MYMK: variants seen among roughly 807,000 people sequenced by gnomAD.
MYMK encodes protein myomaker.
Under a neutral mutation model 22.4 loss-of-function variants are expected in MYMK, and 16 were observed. The ratio of observed to expected loss-of-function variants is 0.72; its 90% confidence interval spans 0.48 to 1.09. The LOEUF is 1.09. Ranked by LOEUF, MYMK falls within the 50% of genes least tolerant of loss-of-function variation. The pLI is 0.00. For missense variants in MYMK, 250 were observed against 295.6 expected, an observed-to-expected ratio of 0.85 and a Z score of 1.13; for synonymous variants, 125 against 127.0, an observed-to-expected ratio of 0.98 and a Z score of 0.11.
chr9:133,524,606 C>T (rs1023230929), intron 1 of MYMK, 104 bp downstream of exon 1: 1 of 1,555,146 alleles, frequency 6.4e-7, no homozygotes, highest in Non-Finnish European at 8.8e-7. Context: ...ATTTTCAAAT[C>T]ACTTCTGCTC....
chr9:133,524,675 C>T (rs751759305), intron 1 of MYMK, 35 bp downstream of exon 1: 6 of 1,613,802 alleles, frequency 3.7e-6, no homozygotes, highest in Non-Finnish European at 3.4e-6. Context: ...CAGGATGGGG[C>T]CTGTGTGGGA....
At chr9:133,521,764 C>T (rs1391289539) in intron 1 of MYMK, among the ~76,000 whole-genome samples, 1 of 152,212 alleles carries the variant, frequency 6.6e-6, no homozygotes, top group African/African-American at 2.4e-5. Context: ...GCGAGGAAGA[C>T]TCCGGCCCTA....
chr9:133,515,578 C>T lies in MYMK; in HGVS notation c.429G>A (p.Leu143=). Residue 143 remains leucine (L), a synonymous_variant, in exon 4 of 5, where the codon CTG becomes CTA. Transcript: ENST00000339996. The surrounding 1 kb of genome is among the most constrained non-coding windows in gnomAD (Gnocchi z 5.8). The part of the protein sequence containing the change: ...WLQKMKEKKG[L]YPDKSVYTQQ... ...GGGTGTAGACGCTCTTGTCTGGGTA[C>T]AGGCCCTTCTTCTCCTTCATCTTCT... 2 of 1,613,890 alleles carry T rather than the reference C, an allele frequency of 1.2e-6. No homozygotes were observed. Among genetic ancestry groups the T allele is most frequent in the Non-Finnish European group, 1.7e-6 (2 of 1,179,764 alleles).
intron 1 of MYMK, among the ~76,000 whole-genome samples, chr9:133,520,575 G>A (rs1844691591): frequency 6.6e-6 from 1 of 152,238 alleles, no homozygotes. Flanking sequence ...CATCTGCACT[G>A]GCAGGACTGG....
chr9:133,522,093 G>A (rs1469504611), intron 1 of MYMK, among the ~76,000 whole-genome samples: 1 of 152,240 alleles, frequency 6.6e-6, no homozygotes, highest in African/African-American at 2.4e-5. Context: ...TCCTCCCAAT[G>A]GTGGGAACTT....
At chr9:133,517,580 C>T (rs1000481285) in intron 3 of MYMK, among the ~76,000 whole-genome samples, 17 of 151,714 alleles carry the variant, frequency 1.1e-4, no homozygotes, top group Admixed American at 7.2e-4. Flanking sequence ...ACAGGAGAAT[C>T]GCTTCAACCC....
intron 1 of MYMK, among the ~76,000 whole-genome samples, chr9:133,521,840 G>T (rs1468858471): frequency 6.6e-6 from 1 of 152,192 alleles, no homozygotes; most frequent in African/African-American, 2.4e-5. Flanking sequence ...TGCTGTCTGT[G>T]TGCCTCAATG....
At chr9:133,517,574 G>A (rs904456558) in intron 3 of MYMK, among the ~76,000 whole-genome samples, 1 of 151,832 alleles carries the variant, frequency 6.6e-6, no homozygotes, top group Non-Finnish European at 1.5e-5. Context: ...GCTGAGACAG[G>A]AGAATCGCTT....
At chr9:133,520,059 G>T in intron 2 of MYMK, 115 bp downstream of exon 2, 1 of 734,718 alleles carries the variant, frequency 1.4e-6, no homozygotes, top group Non-Finnish European at 2.4e-6. Flanking sequence ...CATTCCTGGG[G>T]CTGGGAGTGA....
At chr9:133,519,767 G>A (rs977394859) in intron 2 of MYMK, among the ~76,000 whole-genome samples, 7 of 152,126 alleles carry the variant, frequency 4.6e-5, no homozygotes, top group East Asian at 1.9e-4. Context: ...GAACAGTCCC[G>A]TCTTCCAGGC....
intron 3 of MYMK, among the ~76,000 whole-genome samples, chr9:133,518,512 T>A (rs575418765): frequency 2.0e-5 from 3 of 152,198 alleles, no homozygotes; most frequent in African/African-American, 7.2e-5. Context: ...GCGGAGCACA[T>A]TGGAAGCCAG....
intron 1 of MYMK, among the ~76,000 whole-genome samples, chr9:133,520,653 C>T (rs946364960): frequency 1.3e-5 from 2 of 152,176 alleles, no homozygotes; most frequent in African/African-American, 2.4e-5. Context: ...GGACCCTACA[C>T]GGCTCTCCCC....
In MYMK at chr9:133,515,333, T is replaced by C. The variant is rs1435066496; in HGVS notation, c.516+158A>G. On this transcript the variant is annotated intron_variant, in intron 4 of 4. Coordinates refer to ENST00000339996, the MANE Select transcript of MYMK (RefSeq NM_001080483.3). This position sits in a 1 kb window ranked among gnomAD's most constrained non-coding sequence, Gnocchi z 5.8. The stretch of plus-strand genomic sequence containing the variant: ...GCTGGGGACGGCATTGCCCCCGACA[T>C]AGCCCTGGGAGGGGCTAGTGAGCAG... Among the ~76,000 whole-genome samples the C allele has an allele frequency of 6.6e-6, 1 of 152,182 alleles. No individual in the cohort carries two copies. Among genetic ancestry groups the C allele is most frequent in the Non-Finnish European group, 1.5e-5 (1 of 68,026 alleles).
chr9:133,523,674 AGATAGATG>A (rs1844729762), intron 1 of MYMK, among the ~76,000 whole-genome samples: 1 of 141,516 alleles, frequency 7.1e-6, no homozygotes, highest in African/African-American at 2.7e-5. Context: ...GTAGATAGAG[AGATAGATG>A]GAGAGAGAGA....
intron 3 of MYMK, among the ~76,000 whole-genome samples, chr9:133,517,254 T>C (rs1476571902): frequency 6.6e-6 from 1 of 152,190 alleles, no homozygotes; most frequent in Non-Finnish European, 1.5e-5. Flanking sequence ...AGCCCACTTA[T>C]GCCCAGCGCT....
Position 133,524,913 on chromosome 9 carries a change from C to G in MYMK, c.-69G>C. The G allele has an allele frequency of 2.0e-6, 3 of 1,524,792 alleles. No individual in the cohort carries two copies. The highest frequency in any genetic ancestry group is 2.6e-6 in the Non-Finnish European group (3 of 1,136,974). 94.5% of individuals were successfully genotyped at this position (1,524,792 alleles called of 1,614,324 possible). The stretch of plus-strand genomic sequence containing the variant: ...GTCCCAGGTCCCCAGCACAGGAGCA[C>G]GAAGTGGGAAGGCCAGCTCCCTTTG... On this transcript the variant is annotated 5_prime_UTR_variant, in exon 1 of 5. Transcript: ENST00000339996.
At chr9:133,522,445 G>C (rs567560662) in intron 1 of MYMK, among the ~76,000 whole-genome samples, 1 of 152,366 alleles carries the variant, frequency 6.6e-6, no homozygotes, top group African/African-American at 2.4e-5. Context: ...TGTCACGGGA[G>C]GGGCCTGATT....
chr9:133,522,057 A>T (rs1844709119), intron 1 of MYMK, among the ~76,000 whole-genome samples: 1 of 152,252 alleles, frequency 6.6e-6, no homozygotes, highest in Non-Finnish European at 1.5e-5. Flanking sequence ...CTGGGGACCC[A>T]GAGCCTCTGC....
intron 1 of MYMK, among the ~76,000 whole-genome samples, chr9:133,523,101 CT>C (rs1181963521): frequency 1.3e-5 from 2 of 152,064 alleles, no homozygotes; most frequent in Non-Finnish European, 2.9e-5. Flanking sequence ...ACTGTCACCC[CT>C]GGGAGTGGCA....
Sources: allele counts gnomAD v4.1 joint callset (sites outside exome capture counted in the v4.1 genomes callset), GRCh38; gene constraint gnomAD v4.1.1; non-coding constraint Gnocchi (gnomAD v3.1); transcripts MANE v1.5; gene names NCBI Gene and HGNC (gene_info 2026-07-23, HGNC 2026-07-21).